THSD4: variants seen among roughly 807,000 people sequenced by gnomAD.
THSD4 encodes thrombospondin type-1 domain-containing protein 4.
In THSD4, 69 loss-of-function variants were observed where a neutral mutation model predicts 119.0. That is an observed-to-expected ratio of 0.58 (90% CI 0.48 to 0.71). The LOEUF (loss-of-function observed/expected upper bound fraction) is 0.71. THSD4 is among the 30% of genes least tolerant of loss of function. The pLI is 0.00. For synonymous variants in THSD4, 524 were observed against 540.4 expected (o/e 0.97, Z 0.42); for missense variants, 1,393 against 1,391.1 (o/e 1.00, Z -0.02).
At chr15:71,609,813 C>T (rs1437159131) in intron 7 of THSD4, among the ~76,000 whole-genome samples, 6 of 141,810 alleles carry the variant, frequency 4.2e-5, no homozygotes, top group Non-Finnish European at 6.0e-5. Context: ...GATCATGCCA[C>T]TGCACTCCAG....
At chr15:71,756,711 G>A (rs1032964547) in intron 14 of THSD4, among the ~76,000 whole-genome samples, 1 of 152,206 alleles carries the variant, frequency 6.6e-6, no homozygotes, top group Non-Finnish European at 1.5e-5. Context: ...CCAAGAGGTT[G>A]AAGCTGCAGT....
chr15:71,470,839 G>T (rs952730909), intron 7 of THSD4, among the ~76,000 whole-genome samples: 2 of 151,812 alleles, frequency 1.3e-5, no homozygotes, highest in African/African-American at 4.8e-5. Context: ...GTTTCACCTT[G>T]TTAGCCAGGA....
chr15:71,728,429 C>G, intron 8 of THSD4, 120 bp from the exon 9 acceptor site: 1 of 1,228,988 alleles, frequency 8.1e-7, no homozygotes, highest in South Asian at 1.4e-5. Flanking sequence ...CATTGCCTGG[C>G]ACATAGTGGA....
intron 6 of THSD4, among the ~76,000 whole-genome samples, chr15:71,367,081 T>C: frequency 6.6e-6 from 1 of 152,210 alleles, no homozygotes; most frequent in East Asian, 1.9e-4. Context: ...AATGTTTGTA[T>C]AGCGGTCCTT....
chr15:71,441,681 CCA>C (rs2047095563), intron 7 of THSD4, among the ~76,000 whole-genome samples: 9 of 151,930 alleles, frequency 5.9e-5, no homozygotes, highest in African/African-American at 2.4e-5. Context: ...GCGTGAGCCA[CCA>C]TGTCCAGCCT....
At chr15:71,582,719 A>G (rs1213484287) in intron 7 of THSD4, among the ~76,000 whole-genome samples, 2 of 152,140 alleles carry the variant, frequency 1.3e-5, no homozygotes, top group Admixed American at 1.3e-4. Flanking sequence ...GCTTTTTTCT[A>G]CATCAGTTGA....
At chr15:71,538,991 T>A (rs1204539312) in intron 7 of THSD4, among the ~76,000 whole-genome samples, 1 of 152,226 alleles carries the variant, frequency 6.6e-6, no homozygotes, top group Non-Finnish European at 1.5e-5. Flanking sequence ...GTGCTCAGCC[T>A]AACTGCATGG....
chr15:71,423,360 G>A (rs534783007), intron 7 of THSD4, among the ~76,000 whole-genome samples: 2 of 152,272 alleles, frequency 1.3e-5, no homozygotes, highest in African/African-American at 2.4e-5. Flanking sequence ...GTACTACCTG[G>A]TTACTGCTGC....
chr15:71,708,456 A>G (rs1278271496), intron 8 of THSD4, among the ~76,000 whole-genome samples: 2 of 152,192 alleles, frequency 1.3e-5, no homozygotes, highest in African/African-American at 4.8e-5. Flanking sequence ...CAGTAATGGG[A>G]GTTTGAATGA....
At chr15:71,513,160 C>A (rs971929982) in intron 7 of THSD4, among the ~76,000 whole-genome samples, 3 of 152,202 alleles carry the variant, frequency 2.0e-5, no homozygotes, top group African/African-American at 7.2e-5. Flanking sequence ...TCCAAGATGG[C>A]GTGAGCCGAG....
intron 7 of THSD4, among the ~76,000 whole-genome samples, chr15:71,614,270 A>G (rs1260770961): frequency 6.6e-6 from 1 of 152,212 alleles, no homozygotes; most frequent in Non-Finnish European, 1.5e-5. Flanking sequence ...TATCCATTCC[A>G]GCCTGGATTC....
rs923221747 is a variant in THSD4, at chr15:71,420,640, A to G, written c.1152+8817A>G. Among the ~76,000 whole-genome samples the G allele has an allele frequency of 1.3e-4, 14 of 105,846 alleles. 4 individuals carry two copies. The highest frequency in any genetic ancestry group is 4.5e-4 in the African/African-American group (14 of 31,050). 69.4% of individuals were successfully genotyped at this position (105,846 alleles called of 152,430 possible). A position where few individuals can be genotyped will look rare whatever the true frequency, so the allele number is the denominator to read the frequency against. On this transcript the variant is annotated intron_variant, in intron 7 of 17. Coordinates refer to ENST00000261862, the MANE Select transcript of THSD4 (RefSeq NM_024817.3). ...GTTTTGCTTTTTGTATATCTGTTCTATGTTTTTTGGTTTGGTTACCATGAG... is the reference window on the plus strand; with the variant it reads ...GTTTTGCTTTTTGTATATCTGTTCTGTGTTTTTTGGTTTGGTTACCATGAG...
rs190445451 is a variant in THSD4 at position 71,270,525 on chromosome 15, C to T, written c.1015+13810C>T. On this transcript the variant is annotated intron_variant, in intron 6 of 17. Coordinates refer to ENST00000261862, the MANE Select transcript of THSD4 (RefSeq NM_024817.3). The stretch of plus-strand genomic sequence containing the variant: ...TGACTCATTTAATCCTCACAATTAC[C>T]CCATCAGGTGGGAACTAGTTTTTAC... Among the ~76,000 whole-genome samples the T allele has an allele frequency of 7.7e-3, 1,166 of 152,272 alleles. 11 individuals carry two copies. The highest frequency in any genetic ancestry group is 0.018 in the South Asian group (88 of 4,818).
intron 7 of THSD4, among the ~76,000 whole-genome samples, chr15:71,582,146 T>C (rs571022499): frequency 6.6e-6 from 1 of 152,190 alleles, no homozygotes; most frequent in South Asian, 2.1e-4. Context: ...GATCTTTCTA[T>C]TTATTTGTCT....
chr15:71,111,074 T>G, upstream of THSD4: 1 of 1,473,126 alleles, frequency 6.8e-7, no homozygotes, highest in African/African-American at 1.4e-5. Context: ...TATTATCATT[T>G]GCAAAGAGGA....
intron 6 of THSD4, among the ~76,000 whole-genome samples, chr15:71,261,057 G>C (rs1421960267): frequency 6.6e-6 from 1 of 152,156 alleles, no homozygotes; most frequent in South Asian, 2.1e-4. Context: ...AGCCGAGATG[G>C]CACCATTGCA....
chr15:71,413,186 T>C (rs1426157447), intron 7 of THSD4, among the ~76,000 whole-genome samples: 1 of 152,156 alleles, frequency 6.6e-6, no homozygotes, highest in Non-Finnish European at 1.5e-5. Flanking sequence ...TAATTTTTTG[T>C]ATTTTTAATA....
chr15:71,390,058 C>T (rs538635620), intron 6 of THSD4, among the ~76,000 whole-genome samples: 55 of 152,098 alleles, frequency 3.6e-4, no homozygotes, highest in Non-Finnish European at 6.5e-4. Flanking sequence ...CCACCTCAGC[C>T]TCTCAAAGTG....
upstream of THSD4, among the ~76,000 whole-genome samples, chr15:71,114,319 C>T (rs79989908): frequency 2.9e-3 from 445 of 152,058 alleles, 10 homozygotes; most frequent in East Asian, 0.072. Context: ...GGCTCTGGGG[C>T]AGGGAGCTTG....
Sources: gnomAD v4.1 joint callset for allele counts (sites outside exome capture counted in the v4.1 genomes callset) on GRCh38, gnomAD v4.1.1 for gene constraint, MANE v1.5 for transcripts, NCBI Gene and HGNC (gene_info 2026-07-23, HGNC 2026-07-21) for gene names.